Variants in CA14 observed in about 807,000 individuals in gnomAD.
CA14 encodes CA-XIV.
Under a neutral mutation model 48.8 loss-of-function variants are expected in CA14, and 44 were observed. That is an observed-to-expected ratio of 0.90 (90% CI 0.71 to 1.16). CA14 has a LOEUF of 1.16. CA14 is among the 50% of genes most tolerant of loss of function. CA14 has a pLI of 0.00. For missense variants in CA14, 386 were observed against 401.0 expected (o/e 0.96, Z 0.32); for synonymous variants, 154 against 155.0 (o/e 0.99, Z 0.05).
chr1:150,258,256 G>A lies in CA14; in HGVS notation c.55+73G>A, dbSNP rs1380393859. On this transcript the variant is annotated intron_variant, in intron 1 of 10. Coordinates refer to ENST00000369111, the MANE Select transcript of CA14 (RefSeq NM_012113.3). ...TGTCGCCAGGTGTGCTTAATGGGGGGAGGAGAGGTGTGAAAGGAAGCCTAG... is the reference window on the plus strand; with the variant it reads ...TGTCGCCAGGTGTGCTTAATGGGGGAAGGAGAGGTGTGAAAGGAAGCCTAG... The A allele has an allele frequency of 3.1e-6, 4 of 1,273,718 alleles. No individual in the cohort carries two copies. The African/African-American group carries it at 5.9e-5, about 19-fold the overall frequency. 78.9% of individuals were successfully genotyped at this position (1,273,718 alleles called of 1,614,324 possible).
chr1:150,263,236 T>G, intron 7 of CA14, 37 bp downstream of exon 7: 6 of 1,613,656 alleles, frequency 3.7e-6, no homozygotes, highest in Non-Finnish European at 5.1e-6. Flanking sequence ...TGAGACACAG[T>G]TGTAACTTCA....
In CA14 at chr1:150,261,492, AC is replaced by A. The variant is rs1560024243; in HGVS notation, c.113del (p.Pro38LeufsTer18). On this transcript the variant is annotated frameshift_variant, in exon 3 of 11. Transcript: ENST00000369111. LOFTEE classifies it high-confidence loss of function. ...PHGQDHWPAS[Y>X]PECGNNAQSP... ...GGTCAGGACCATTGGCCAGCCTCTT[AC>A]CCTGAGTGTGGAAACAATGCCCAGT... The A allele has an allele frequency of 1.9e-6, 3 of 1,614,114 alleles. No homozygotes were observed. Among genetic ancestry groups the A allele is most frequent in the Non-Finnish European group, 2.5e-6 (3 of 1,180,018 alleles).
chr1:150,262,339 C>G, intron 4 of CA14, 39 bp downstream of exon 4: 1 of 1,572,398 alleles, frequency 6.4e-7, no homozygotes, highest in Non-Finnish European at 8.6e-7. Flanking sequence ...GACAAAGTAA[C>G]AGGGATGGGT....
Position 150,258,129 on chromosome 1 carries a change from ATGT to A in CA14, c.6_8del (p.Leu2?). On this transcript the variant is annotated start_lost and inframe_deletion, in exon 1 of 11. Coordinates refer to ENST00000369111, the MANE Select transcript of CA14 (RefSeq NM_012113.3). ...CCCCTGCACCCCTTCCTGGGACACTATGTTGTTCTCCGCCCTCCTGCTGGAGGT... is the reference window on the plus strand; with the variant it reads ...CCCCTGCACCCCTTCCTGGGACACTATGTTCTCCGCCCTCCTGCTGGAGGT... The A allele has an allele frequency of 6.2e-7, 1 of 1,609,532 alleles. No homozygotes were observed. Among genetic ancestry groups the A allele is most frequent in the Non-Finnish European group, 8.5e-7 (1 of 1,177,380 alleles).
Position 150,258,071 on chromosome 1 carries a change from C to A in CA14, c.-58C>A. ...CACTCCTCCCTCCCTCTCTCTCTGC[C>A]TGTCCTAGTCCTCTAGTCCTCAAAT... On this transcript the variant is annotated 5_prime_UTR_variant, in exon 1 of 11. The change creates a new upstream start codon in the 5' untranslated region. Coordinates refer to ENST00000369111, the MANE Select transcript of CA14 (RefSeq NM_012113.3). The A allele has an allele frequency of 7.3e-7, 1 of 1,375,070 alleles. No homozygotes were observed. The highest frequency in any genetic ancestry group is 1.0e-6 in the Non-Finnish European group (1 of 984,238). 85.2% of individuals were successfully genotyped at this position (1,375,070 alleles called of 1,614,324 possible). A position where few individuals can be genotyped will look rare whatever the true frequency, so the allele number is the denominator to read the frequency against.
At chr1:150,262,980 GC>G in intron 6 of CA14, 61 bp from the exon 7 acceptor site, 2 of 1,603,774 alleles carry the variant, frequency 1.2e-6, no homozygotes, top group Non-Finnish European at 1.7e-6. Flanking sequence ...GCTTCTGGGA[GC>G]CCTATCTAGG....
rs1350875619 is a variant in CA14, at chr1:150,263,917, T to TC, written c.947+39_947+40insC. The TC allele has an allele frequency of 3.7e-4, 372 of 993,218 alleles. No individual in the cohort carries two copies. The East Asian group carries it at 4.0e-3, about 11-fold the overall frequency. 61.5% of individuals were successfully genotyped at this position (993,218 alleles called of 1,614,324 possible). Reference sequence around the variant, plus strand: ...TTCCATTCCTCCAGTCCCTTCTTCTTTTTTTTTTTTTTTTTGGTAGGTGGG... The same window carrying TC: ...TTCCATTCCTCCAGTCCCTTCTTCTTCTTTTTTTTTTTTTTTGGTAGGTGGG... On this transcript the variant is annotated intron_variant, in intron 10 of 10. Coordinates refer to ENST00000369111, the MANE Select transcript of CA14 (RefSeq NM_012113.3).
intron 2 of CA14, 73 bp downstream of exon 2, chr1:150,260,244 T>C (rs782008950): frequency 6.8e-7 from 1 of 1,471,524 alleles, no homozygotes; most frequent in Admixed American, 1.7e-5. Flanking sequence ...AGACACACTG[T>C]GCGGGTGGGA....
At chr1:150,261,687 G>A (rs1213329699) in intron 3 of CA14, 49 bp downstream of exon 3, 1 of 1,553,048 alleles carries the variant, frequency 6.4e-7, no homozygotes, top group African/African-American at 1.4e-5. Flanking sequence ...CAGATCTTAG[G>A]AGTCAGATCC....
intron 2 of CA14, 22 bp from the exon 3 acceptor site, chr1:150,261,437 T>A (rs782263337): frequency 6.2e-7 from 1 of 1,609,796 alleles, no homozygotes; most frequent in South Asian, 1.1e-5. Flanking sequence ...ACAGGACCAA[T>A]GTCTTTGGTA....
intron 4 of CA14, 88 bp downstream of exon 4, chr1:150,262,388 G>T (rs587736144): frequency 6.5e-7 from 1 of 1,529,496 alleles, no homozygotes; most frequent in African/African-American, 1.4e-5. Flanking sequence ...GAAAAGTCAT[G>T]CTGGGGGGAT....
chr1:150,257,909 T>A lies in CA14; in HGVS notation c.-220T>A. 2.7e-6 allele frequency: 1 copy of A among 373,454 alleles called. No individual in the cohort carries two copies. Among genetic ancestry groups the A allele is most frequent in the South Asian group, 6.4e-5 (1 of 15,674 alleles). 23.1% of individuals were successfully genotyped at this position (373,454 alleles called of 1,614,324 possible). A position where few individuals can be genotyped will look rare whatever the true frequency, so the allele number is the denominator to read the frequency against. ...GAGGGCAAAGAGGCAGCAAGAGATT[T>A]GTCCTGGGGATCCAGAAACCCATGA... On this transcript the variant is annotated 5_prime_UTR_variant, in exon 1 of 11. Coordinates refer to ENST00000369111, the MANE Select transcript of CA14 (RefSeq NM_012113.3).
In CA14 at chr1:150,263,698, A is replaced by C; in HGVS notation, c.862+19A>C. 1 of 1,613,980 alleles carries C rather than the reference A, an allele frequency of 6.2e-7. No homozygotes were observed. Among genetic ancestry groups the C allele is most frequent in the Non-Finnish European group, 8.5e-7 (1 of 1,179,952 alleles). ...ACCACAGGTAAGCCAGCCTTATAAG[A>C]TAATGCGGGGAGGGGAGGTGTCCTC... On this transcript the variant is annotated intron_variant, in intron 9 of 10. Coordinates refer to ENST00000369111, the MANE Select transcript of CA14 (RefSeq NM_012113.3).
At position 150,260,134 on chromosome 1, in the gene CA14, A is replaced by G; in HGVS notation, c.56-17A>G. 6.2e-7 allele frequency: 1 copy of G among 1,613,168 alleles called. No homozygotes were observed. Among genetic ancestry groups the G allele is most frequent in the Non-Finnish European group, 8.5e-7 (1 of 1,179,808 alleles). On this transcript the variant is annotated splice_polypyrimidine_tract_variant and intron_variant, in intron 1 of 10. Transcript: ENST00000369111. Reference sequence around the variant, plus strand: ...CCAGGCTGCGCTGGCTGTAACCCAAACTATTCTGCCTTGCAGGTCAACACT... The same window carrying G: ...CCAGGCTGCGCTGGCTGTAACCCAAGCTATTCTGCCTTGCAGGTCAACACT...
intron 1 of CA14, among the ~76,000 whole-genome samples, chr1:150,259,705 AAC>A (rs1348436517): frequency 6.6e-6 from 1 of 151,652 alleles, no homozygotes; most frequent in Non-Finnish European, 1.5e-5. Context: ...AGCACCCCCC[AAC>A]ACACACACAC....
At chr1:150,259,940 A>G (rs1650853046) in intron 1 of CA14, among the ~76,000 whole-genome samples, 1 of 151,954 alleles carries the variant, frequency 6.6e-6, no homozygotes, top group Admixed American at 6.5e-5. Context: ...AGGCACCAAC[A>G]CAGCCTGGCT....
At position 150,264,646 on chromosome 1, in the gene CA14, C is replaced by T. The variant is rs1553849016; in HGVS notation, c.1001C>T (p.Thr334Met). 6 of 1,612,380 alleles carry T rather than the reference C, an allele frequency of 3.7e-6. No homozygotes were observed. The highest frequency in any genetic ancestry group is 2.2e-5 in the East Asian group (1 of 44,836). The part of the protein sequence containing the change: ...KSVVFTSAQA[T>M]TEA ...GTGGTCTTCACCTCAGCACAAGCCA[C>T]GACTGAGGCATAAATTCCTTCTCAG... is the stretch of plus-strand genomic sequence containing the variant. Residue 334 changes from threonine (T) to methionine (M), a missense_variant, in exon 11 of 11, where the codon ACG becomes ATG. Thr to Met is a moderately conservative substitution (Grantham distance 81, BLOSUM62 -1). Transcript: ENST00000369111.
intron 9 of CA14, 37 bp from the exon 10 acceptor site, chr1:150,263,757 G>A (rs782505356): frequency 1.2e-6 from 2 of 1,612,000 alleles, no homozygotes; most frequent in East Asian, 2.2e-5. Context: ...ATCTATGTTA[G>A]TCCTAGGCTG....
rs1651101310 is a variant in CA14 at position 150,262,248 on chromosome 1, G to A, written c.347G>A (p.Gly116Glu). 1 of 1,612,576 alleles carries A rather than the reference G, an allele frequency of 6.2e-7. No individual in the cohort carries two copies. The highest frequency in any genetic ancestry group is 1.1e-5 in the South Asian group (1 of 90,936). Reference sequence around the variant, plus strand: ...CTCCACCTGCACTGGGGTCAGAAAGGATCCCCAGGGGGGTCAGAACACCAG... The same window carrying A: ...CTCCACCTGCACTGGGGTCAGAAAGAATCCCCAGGGGGGTCAGAACACCAG... Reference protein sequence around the residue: ...AQLHLHWGQKGSPGGSEHQIN... With the variant: ...AQLHLHWGQKESPGGSEHQIN... Residue 116 changes from glycine to glutamate, a missense_variant, in exon 4 of 11, where the codon GGA becomes GAA. Coordinates refer to ENST00000369111, the MANE Select transcript of CA14 (RefSeq NM_012113.3).
Sources: allele counts gnomAD v4.1 joint callset (sites outside exome capture counted in the v4.1 genomes callset), GRCh38; gene constraint gnomAD v4.1.1; transcripts MANE v1.5; gene names NCBI Gene and HGNC (gene_info 2026-07-23, HGNC 2026-07-21).